ZFYVE16: variants seen among roughly 807,000 people sequenced by gnomAD.
ZFYVE16 encodes the protein zinc finger FYVE-type containing 16.
Under a neutral mutation model 138.1 loss-of-function variants are expected in ZFYVE16, and 89 were observed. The observed-to-expected ratio is 0.64, with a 90% confidence interval of 0.54 to 0.77. ZFYVE16 has a LOEUF of 0.77. Ranked by LOEUF, ZFYVE16 falls within the 30% of genes least tolerant of loss-of-function variation. The pLI, the probability that ZFYVE16 is intolerant of heterozygous loss-of-function variation, is 0.00. For missense variants in ZFYVE16, 1,793 were observed against 1,786.7 expected, an observed-to-expected ratio of 1.00 and a Z score of -0.06; for synonymous variants, 596 against 618.3, an observed-to-expected ratio of 0.96 and a Z score of 0.53.
chr5:80,426,264 GTGTGTGTGTATATATA>G (rs1561246046), intron 1 of ZFYVE16, among the ~76,000 whole-genome samples: 15 of 55,056 alleles, frequency 2.7e-4, no homozygotes, highest in Non-Finnish European at 4.3e-4. Context: ...GTGTGTGTGT[GTGTGTGTGTATATATA>G]TATATATATA....
chr5:80,471,136 G>A (rs1450205126), intron 15 of ZFYVE16, among the ~76,000 whole-genome samples: 1 of 152,090 alleles, frequency 6.6e-6, no homozygotes, highest in South Asian at 2.1e-4. Context: ...TGCATGGGGG[G>A]TGCCTGTCCA....
Position 80,449,521 on chromosome 5 carries a change from T to G in ZFYVE16, c.3104-70T>G, listed in dbSNP as rs1751755232. 1.0e-5 allele frequency: 15 copies of G among 1,492,646 alleles called. No homozygotes were observed. The East Asian group carries it at 3.6e-4, about 36-fold the overall frequency. The allele number at this position is 1,492,646 out of a possible 1,614,324, so 92.5% of individuals were successfully genotyped here. On this transcript the variant is annotated intron_variant, in intron 8 of 18. Transcript: ENST00000505560. The stretch of plus-strand genomic sequence containing the variant: ...CAGGCCACTGGTGGATTTATAAATT[T>G]GTTTTTTTCATTTGTAAGCATATTT...
In ZFYVE16 at chr5:80,445,532, T is replaced by C. The variant is rs1751230934; in HGVS notation, c.2724+127T>C. 8 of 797,776 alleles carry C rather than the reference T, an allele frequency of 1.0e-5. No individual in the cohort carries two copies. The East Asian group carries it at 1.9e-4, about 19-fold the overall frequency. The allele number at this position is 797,776 out of a possible 1,614,324, so 49.4% of individuals were successfully genotyped here. A position where few individuals can be genotyped will look rare whatever the true frequency, so the allele number is the denominator to read the frequency against. On this transcript the variant is annotated intron_variant, in intron 7 of 18. Transcript: ENST00000505560. ...TGAGCTTCCTAAAATAAGAGATGTA[T>C]TGATATAGTGAATATATTTTAGATT...
In ZFYVE16 at chr5:80,431,386, T is replaced by C. The variant is rs189892668; in HGVS notation, c.-39-2723T>C. 6.2e-3 allele frequency among the ~76,000 whole-genome samples: 949 copies of C among 152,222 alleles called. 10 individuals carry two copies. The highest frequency in any genetic ancestry group is 0.021 in the African/African-American group (878 of 41,574). On this transcript the variant is annotated intron_variant, in intron 2 of 18. Transcript: ENST00000505560. Reference sequence around the variant, plus strand: ...AGAAAAGGCCTTTGACAAAATTCAATGGCCCTTCATGCCAAAACCTCTCAA... The same window carrying C: ...AGAAAAGGCCTTTGACAAAATTCAACGGCCCTTCATGCCAAAACCTCTCAA...
At position 80,477,383 on chromosome 5, in the gene ZFYVE16, G is replaced by T; in HGVS notation, c.*6G>T. Reference sequence around the variant, plus strand: ...TTATAGAACATCTTTTTTAGTGAAAGAATGTGCCATATTACATATTGCAAC... The same window carrying T: ...TTATAGAACATCTTTTTTAGTGAAATAATGTGCCATATTACATATTGCAAC... On this transcript the variant is annotated 3_prime_UTR_variant, in exon 19 of 19. Transcript: ENST00000505560. 6.2e-6 allele frequency: 10 copies of T among 1,602,068 alleles called. No homozygotes were observed. The highest frequency in any genetic ancestry group is 7.6e-6 in the Non-Finnish European group (9 of 1,176,648).
intron 5 of ZFYVE16, 49 bp downstream of exon 5, chr5:80,440,081 A>G: frequency 6.5e-7 from 1 of 1,549,828 alleles, no homozygotes; most frequent in Non-Finnish European, 8.7e-7. Flanking sequence ...ATATATCTTA[A>G]AATTAATTGG....
intron 2 of ZFYVE16, among the ~76,000 whole-genome samples, chr5:80,433,507 A>T (rs1334627877): frequency 6.6e-6 from 1 of 152,188 alleles, no homozygotes; most frequent in Admixed American, 6.5e-5. Flanking sequence ...TAATGGGTGC[A>T]GCACACCAAC....
At chr5:80,441,626 A>C in intron 5 of ZFYVE16, 1 of 985,436 alleles carries the variant, frequency 1.0e-6, no homozygotes, top group Non-Finnish European at 1.2e-6. Flanking sequence ...GATAATTTGA[A>C]TAGAGATTGT....
At chr5:80,468,818 G>A (rs1580353772) in intron 15 of ZFYVE16, among the ~76,000 whole-genome samples, 1 of 151,796 alleles carries the variant, frequency 6.6e-6, no homozygotes, top group African/African-American at 2.4e-5. Context: ...TTTATCTGTC[G>A]ATTCTTTTAG....
At chr5:80,408,683 C>T (rs933965797) in intron 1 of ZFYVE16, among the ~76,000 whole-genome samples, 13 of 152,256 alleles carry the variant, frequency 8.5e-5, no homozygotes, top group Admixed American at 2.6e-4. Context: ...GTCTTTCCCG[C>T]TGCCTTTCCT....
intron 5 of ZFYVE16, chr5:80,441,682 C>CAT: frequency 1.2e-6 from 1 of 867,058 alleles, no homozygotes; most frequent in Non-Finnish European, 1.3e-6. Context: ...TTCAAGGAAG[C>CAT]ACACGTGAAT....
intron 15 of ZFYVE16, among the ~76,000 whole-genome samples, chr5:80,462,128 C>G (rs1307928570): frequency 6.6e-6 from 1 of 152,178 alleles, no homozygotes; most frequent in Non-Finnish European, 1.5e-5. Flanking sequence ...AAACACAATT[C>G]TGTCCATACA....
At chr5:80,421,761 C>T (rs896350553) in intron 1 of ZFYVE16, among the ~76,000 whole-genome samples, 2 of 152,036 alleles carry the variant, frequency 1.3e-5, no homozygotes, top group Non-Finnish European at 2.9e-5. Flanking sequence ...TGGCTTAGGA[C>T]TGTCTCGGCA....
intron 6 of ZFYVE16, among the ~76,000 whole-genome samples, chr5:80,444,368 C>T (rs1751061592): frequency 6.6e-6 from 1 of 151,106 alleles, no homozygotes; most frequent in African/African-American, 2.4e-5. Flanking sequence ...TGTCTACCTA[C>T]ATTGCAAAAA....
Position 80,438,595 on chromosome 5 carries a change from C to G in ZFYVE16, c.1910C>G (p.Ser637Cys). Reference protein sequence around the residue: ...KSEITNQLSVSDINSQSVGGA... With the variant: ...KSEITNQLSVCDINSQSVGGA... ...GAGATTACAAATCAATTATCGGTCT[C>G]TGATATTAACAGTCAATCTGTTGGA... The change falls in exon 4 of 19, where the codon TCT becomes TGT. Residue 637 changes from serine (S) to cysteine (C), a missense_variant. By Grantham distance (112) the Ser-to-Cys change is moderately radical. Coordinates refer to ENST00000505560, the MANE Select transcript of ZFYVE16 (RefSeq NM_001284236.3). 3.1e-6 allele frequency: 5 copies of G among 1,614,100 alleles called. No homozygotes were observed. Among genetic ancestry groups the G allele is most frequent in the Non-Finnish European group, 4.2e-6 (5 of 1,179,984 alleles).
chr5:80,432,405 C>T (rs1042911947), intron 2 of ZFYVE16, among the ~76,000 whole-genome samples: 1 of 152,204 alleles, frequency 6.6e-6, no homozygotes, highest in Non-Finnish European at 1.5e-5. Context: ...AAACTGGAAT[C>T]CCTTCCTTAC....
At chr5:80,428,789 A>G (rs1748534979) in intron 2 of ZFYVE16, among the ~76,000 whole-genome samples, 1 of 152,268 alleles carries the variant, frequency 6.6e-6, no homozygotes, top group Admixed American at 6.5e-5. Context: ...GAACCATGGC[A>G]TGAGAACTAC....
rs1481693448 is a variant in ZFYVE16, at chr5:80,408,146, G to C, written c.-101G>C. On this transcript the variant is annotated 5_prime_UTR_variant, in exon 1 of 19. Coordinates refer to ENST00000505560, the MANE Select transcript of ZFYVE16 (RefSeq NM_001284236.3). The stretch of plus-strand genomic sequence containing the variant: ...GTTCCCAAAAAGCTCCGCAGGGGCT[G>C]TAGGGAGGTAAGAGCCCCCCGTGAC... The C allele has an allele frequency of 6.6e-6, 1 of 152,314 alleles. No individual in the cohort carries two copies. The highest frequency in any genetic ancestry group is 1.5e-5 in the Non-Finnish European group (1 of 68,122). The allele number at this position is 152,314 out of a possible 1,614,324, so 9.4% of individuals were successfully genotyped here.
Position 80,472,761 on chromosome 5 carries a change from A to G in ZFYVE16, c.4025A>G (p.Asp1342Gly), listed in dbSNP as rs1428299195. 1.2e-6 allele frequency: 2 copies of G among 1,610,988 alleles called. No homozygotes were observed. Among genetic ancestry groups the G allele is most frequent in the South Asian group, 1.1e-5 (1 of 90,618 alleles). ...ATGTGAAACTTAGTCTCATTTCTAG[A>G]TGGCTTAATGGTACAAATAACTCCA... ...GFLAKSSIVE[D>G]GLMVQITPET... The change falls in exon 16 of 19, where the codon GAT (aspartate) becomes GGT (glycine). Residue 1342 changes from aspartate to glycine, a missense_variant and splice_region_variant. By Grantham distance (94) the Asp-to-Gly change is moderately conservative. This residue lies in a region of ZFYVE16 where 498 missense variants were observed against 582.4 expected (regional missense o/e 0.86). Coordinates refer to ENST00000505560, the MANE Select transcript of ZFYVE16 (RefSeq NM_001284236.3).
Sources: allele counts gnomAD v4.1 joint callset (sites outside exome capture counted in the v4.1 genomes callset), GRCh38; gene constraint gnomAD v4.1.1; regional missense constraint gnomAD v4.1.1; transcripts MANE v1.5; gene names NCBI Gene and HGNC (gene_info 2026-07-23, HGNC 2026-07-21).